Variants in BTRC observed in about 807,000 individuals in gnomAD.
BTRC encodes beta-transducin repeat containing E3 ubiquitin protein ligase.
A neutral mutation model predicts 85.5 loss-of-function variants in BTRC; 42 were observed. The observed-to-expected ratio is 0.49, with a 90% CI of 0.38 to 0.64. BTRC has a LOEUF of 0.64. BTRC is among the 30% of genes least tolerant of loss of function. The probability of loss-of-function intolerance (pLI) is 0.00; values close to 1 mark genes in which losing one functional copy is unlikely to be tolerated. For missense variants in BTRC, 594 were observed against 743.5 expected, an observed-to-expected ratio of 0.80 and a Z score of 2.34; for synonymous variants, 255 against 263.3, an observed-to-expected ratio of 0.97 and a Z score of 0.30.
intron 4 of BTRC, among the ~76,000 whole-genome samples, chr10:101,511,332 A>G (rs1261560106): frequency 6.6e-6 from 1 of 152,112 alleles, no homozygotes; most frequent in African/African-American, 2.4e-5. Context: ...TGTCATTCAA[A>G]TCTCAGCTCA....
chr10:101,398,375 T>A (rs1475989020), intron 1 of BTRC, among the ~76,000 whole-genome samples: 1 of 152,176 alleles, frequency 6.6e-6, no homozygotes, highest in African/African-American at 2.4e-5. Context: ...CGATCTCAGC[T>A]CGCTGCAAGC....
intron 4 of BTRC, among the ~76,000 whole-genome samples, chr10:101,507,434 G>C (rs1946571590): frequency 6.6e-6 from 1 of 152,220 alleles, no homozygotes; most frequent in Admixed American, 6.5e-5. Flanking sequence ...TAAAGGCTCT[G>C]TGCCGCTCCG....
At chr10:101,396,615 T>C (rs542092168) in intron 1 of BTRC, among the ~76,000 whole-genome samples, 1 of 152,164 alleles carries the variant, frequency 6.6e-6, no homozygotes, top group Admixed American at 6.6e-5. Context: ...AGGACAGGTA[T>C]TAATGGACAC....
At chr10:101,475,557 A>G (rs1945655760) in intron 3 of BTRC, among the ~76,000 whole-genome samples, 1 of 152,176 alleles carries the variant, frequency 6.6e-6, no homozygotes, top group African/African-American at 2.4e-5. Context: ...AAACAAAAAC[A>G]AAAACAGAAC....
At chr10:101,535,923 C>T (rs2134426839) in intron 11 of BTRC, among the ~76,000 whole-genome samples, 1 of 152,220 alleles carries the variant, frequency 6.6e-6, no homozygotes, top group South Asian at 2.1e-4. Flanking sequence ...AAGATTTATC[C>T]ATCCTCTCCC....
chr10:101,451,264 G>A (rs1184172481), intron 2 of BTRC, among the ~76,000 whole-genome samples: 2 of 152,148 alleles, frequency 1.3e-5, no homozygotes, highest in African/African-American at 4.8e-5. Context: ...CCTTTTAATA[G>A]TGGTAGAATG....
At chr10:101,399,247 G>A (rs769176964) in intron 1 of BTRC, among the ~76,000 whole-genome samples, 1 of 151,154 alleles carries the variant, frequency 6.6e-6, no homozygotes, top group Non-Finnish European at 1.5e-5. Context: ...GAGCCATCAT[G>A]CCTATCCAGA....
In BTRC at chr10:101,477,372, A is replaced by G. The variant is rs552054784; in HGVS notation, c.235-1996A>G. On this transcript the variant is annotated intron_variant, in intron 3 of 14. Transcript: ENST00000370187. ...CACTAAAGTTTGATAAACATAATTT[A>G]TACCATCAGTAAAAACTTAAGACTA... Among the ~76,000 whole-genome samples the G allele has an allele frequency of 4.3e-4, 66 of 152,284 alleles. 1 individual carries two copies. In the East Asian group the frequency reaches 0.012, roughly 29 times the overall value.
intron 3 of BTRC, among the ~76,000 whole-genome samples, chr10:101,468,887 C>CATT (rs1199599252): frequency 6.6e-6 from 1 of 152,094 alleles, no homozygotes; most frequent in Non-Finnish European, 1.5e-5. Context: ...ATTGATTAGC[C>CATT]ATTACTTTGT....
chr10:101,477,220 C>G (rs1945713746), intron 3 of BTRC, among the ~76,000 whole-genome samples: 1 of 151,778 alleles, frequency 6.6e-6, no homozygotes, highest in South Asian at 2.1e-4. Context: ...AGGCTGGTCT[C>G]AAACTTCTGA....
chr10:101,400,007 AAAG>A (rs1173989023), intron 1 of BTRC, among the ~76,000 whole-genome samples: 1 of 152,186 alleles, frequency 6.6e-6, no homozygotes, highest in Non-Finnish European at 1.5e-5. Context: ...TACCATCACA[AAAG>A]AAGGCCTCAC....
At chr10:101,380,624 A>G (rs890480783) in intron 1 of BTRC, among the ~76,000 whole-genome samples, 6 of 152,234 alleles carry the variant, frequency 3.9e-5, no homozygotes, top group Non-Finnish European at 7.3e-5. Context: ...CATTCTGTCA[A>G]GTACATACAT....
chr10:101,402,298 G>A (rs1285466112), intron 1 of BTRC, among the ~76,000 whole-genome samples: 1 of 152,170 alleles, frequency 6.6e-6, no homozygotes, highest in African/African-American at 2.4e-5. Flanking sequence ...TAGTAACCCT[G>A]CTCTACAAAG....
At chr10:101,436,364 G>A (rs1013808433) in intron 2 of BTRC, among the ~76,000 whole-genome samples, 1 of 152,160 alleles carries the variant, frequency 6.6e-6, no homozygotes, top group Non-Finnish European at 1.5e-5. Context: ...TAAGTAAGGG[G>A]CCGGGCACGG....
intron 2 of BTRC, among the ~76,000 whole-genome samples, chr10:101,431,273 C>T (rs1164115242): frequency 6.6e-6 from 1 of 151,830 alleles, no homozygotes; most frequent in Non-Finnish European, 1.5e-5. Context: ...GACTGGGTTT[C>T]ACCATGTTGG....
rs1471017781 is a variant in BTRC, at chr10:101,389,115, G to GTTTTTTTTTTT, written c.48+34888_48+34889insTTTTTTTTTTT. ...ATGTTGCATAATTGTGATTTTTTGT[G>GTTTTTTTTTTT]TGTGTTTTTTTTTTTTTTTTTTTTT... is the stretch of plus-strand genomic sequence containing the variant. On this transcript the variant is annotated intron_variant, in intron 1 of 14. Coordinates refer to ENST00000370187, the MANE Select transcript of BTRC (RefSeq NM_033637.4). Among the ~76,000 whole-genome samples, 53 of 35,462 alleles carry GTTTTTTTTTTT rather than the reference G, an allele frequency of 1.5e-3. 14 individuals carry two copies. The highest frequency in any genetic ancestry group is 3.4e-3 in the Admixed American group (10 of 2,982). The allele number at this position is 35,462 out of a possible 152,430, so 23.3% of individuals were successfully genotyped here.
At position 101,538,301 on chromosome 10, in the gene BTRC, A is replaced by G. The variant is rs2062416568; in HGVS notation, c.1586A>G (p.Lys529Arg). 2 of 1,613,960 alleles carry G rather than the reference A, an allele frequency of 1.2e-6. No homozygotes were observed. Among genetic ancestry groups the G allele is most frequent in the East Asian group, 4.5e-5 (2 of 44,876 alleles). Residue 529 changes from lysine (K) to arginine (R), a missense_variant, in exon 13 of 15, where the codon AAA (lysine) becomes AGA (arginine). Lys to Arg is a conservative substitution (Grantham distance 26). This residue lies in a region of BTRC where 373 missense variants were observed against 503.6 expected (regional missense o/e 0.74). Transcript: ENST00000370187. ...IVSGAYDGKI[K>R]VWDLVAALDP... ...CCCTTTTTGATCTTTAGAAAAATTA[A>G]AGTGTGGGATCTTGTGGCTGCTTTG...
chr10:101,527,769 CTCTCT>C (rs1282650322), intron 6 of BTRC, among the ~76,000 whole-genome samples: 2 of 140,130 alleles, frequency 1.4e-5, no homozygotes, highest in Non-Finnish European at 3.2e-5. Context: ...CTGTCTCTCT[CTCTCT>C]CTCTCTCTCT....
intron 13 of BTRC, among the ~76,000 whole-genome samples, chr10:101,542,311 A>G (rs2062480693): frequency 6.6e-6 from 1 of 151,800 alleles, no homozygotes; most frequent in African/African-American, 2.4e-5. Flanking sequence ...TTCTTAAGGT[A>G]GAAACTAAGA....
Sources: gnomAD v4.1 joint callset for allele counts (sites outside exome capture counted in the v4.1 genomes callset) on GRCh38, gnomAD v4.1.1 for gene constraint, gnomAD v4.1.1 regional missense constraint, MANE v1.5 for transcripts, NCBI Gene and HGNC (gene_info 2026-07-23, HGNC 2026-07-21) for gene names.